Variants in FAM8A1 observed in about 807,000 individuals in gnomAD.
FAM8A1 encodes protein FAM8A1.
A neutral mutation model predicts 38.3 loss-of-function variants in FAM8A1; 18 were observed. The observed-to-expected ratio is 0.47, with a 90% CI of 0.33 to 0.70. The LOEUF is 0.70. FAM8A1 is among the 30% of genes least tolerant of loss of function. The pLI is 0.03. For missense variants in FAM8A1, 559 were observed against 559.6 expected, an observed-to-expected ratio of 1.00 and a Z score of 0.01; for synonymous variants, 246 against 234.4, an observed-to-expected ratio of 1.05 and a Z score of -0.45.
chr6:17,608,103 T>A (rs1038709467), intron 4 of FAM8A1, 92 bp from the exon 5 acceptor site: 164 of 1,354,598 alleles, frequency 1.2e-4, no homozygotes, highest in Middle Eastern at 5.6e-4. Flanking sequence ...ACAATTGTGT[T>A]TTAAATGTCT....
Position 17,602,680 on chromosome 6 carries a change from T to G in FAM8A1, c.803T>G (p.Val268Gly). 6.2e-7 allele frequency: 1 copy of G among 1,613,150 alleles called. No homozygotes were observed. Among genetic ancestry groups the G allele is most frequent in the Non-Finnish European group, 8.5e-7 (1 of 1,179,794 alleles). Residue 268 changes from valine (V) to glycine (G), a missense_variant, in exon 2 of 5, where the codon GTC becomes GGC. This residue lies in a region of FAM8A1 where 166 missense variants were observed against 220.8 expected (regional missense o/e 0.75). Coordinates refer to ENST00000259963, the MANE Select transcript of FAM8A1 (RefSeq NM_016255.3). The part of the protein sequence containing the change: ...FILFFIKATI[V>G]LSIMHLSGIK... ...CTCTTCTTTATAAAAGCAACCATTGTCTTAAGCATTATGCACCTCAGTGGG... is the reference window on the plus strand; with the variant it reads ...CTCTTCTTTATAAAAGCAACCATTGGCTTAAGCATTATGCACCTCAGTGGG...
At chr6:17,604,231 C>T (rs1489358637) in intron 2 of FAM8A1, among the ~76,000 whole-genome samples, 1 of 152,054 alleles carries the variant, frequency 6.6e-6, no homozygotes, top group Non-Finnish European at 1.5e-5. Flanking sequence ...TTTCTCTTTA[C>T]CAGCAGGATA....
chr6:17,609,967 T>G lies in FAM8A1; in HGVS notation c.*1628T>G, dbSNP rs1016548959. 6.6e-5 allele frequency: 10 copies of G among 152,194 alleles called. No individual in the cohort carries two copies. The highest frequency in any genetic ancestry group is 3.3e-4 in the Admixed American group (5 of 15,276). The allele number at this position is 152,194 out of a possible 1,614,324, so 9.4% of individuals were successfully genotyped here. On this transcript the variant is annotated 3_prime_UTR_variant, in exon 5 of 5. Transcript: ENST00000259963. Reference sequence around the variant, plus strand: ...ATAAACCGTGTTTTTCAAAATAAGTTTATGTCAAATCCAGCTTCCCAGAAA... The same window carrying G: ...ATAAACCGTGTTTTTCAAAATAAGTGTATGTCAAATCCAGCTTCCCAGAAA...
rs888831229 is a variant in FAM8A1, at chr6:17,600,359, G to A, written c.-51G>A. On this transcript the variant is annotated 5_prime_UTR_variant, in exon 1 of 5. Transcript: ENST00000259963. ...GGCTGTTGGGGAGGGGCCATTGGGG[G>A]AGGGAAACGGAGCAGTGACAGGTAT... The A allele has an allele frequency of 7.5e-7, 1 of 1,337,666 alleles. No individual in the cohort carries two copies. 82.9% of individuals were successfully genotyped at this position (1,337,666 alleles called of 1,614,324 possible). A position where few individuals can be genotyped will look rare whatever the true frequency, so the allele number is the denominator to read the frequency against.
chr6:17,604,781 G>T, intron 2 of FAM8A1, 125 bp from the exon 3 acceptor site: 2 of 720,326 alleles, frequency 2.8e-6, no homozygotes, highest in Non-Finnish European at 4.4e-6. Context: ...ATACTAGATG[G>T]TTGGGAATCT....
At position 17,600,836 on chromosome 6, in the gene FAM8A1, A is replaced by T. The variant is rs1763973264; in HGVS notation, c.427A>T (p.Ser143Cys). Residue 143 changes from serine (S) to cysteine (C), a missense_variant, in exon 1 of 5, where the codon AGC becomes TGC. Coordinates refer to ENST00000259963, the MANE Select transcript of FAM8A1 (RefSeq NM_016255.3). ...SGLAAFPAYC[S>C]PQPSPQSFPS... ...CCTGGCCGCCTTCCCAGCCTACTGC[A>T]GCCCCCAGCCCTCCCCGCAGAGCTT... The T allele has an allele frequency of 6.2e-7, 1 of 1,610,052 alleles. No individual in the cohort carries two copies. The highest frequency in any genetic ancestry group is 1.1e-5 in the South Asian group (1 of 91,064).
chr6:17,603,928 G>T (rs78770416), intron 2 of FAM8A1, among the ~76,000 whole-genome samples: 3 of 151,602 alleles, frequency 2.0e-5, no homozygotes, highest in Non-Finnish European at 2.9e-5. Context: ...GATTACTGTC[G>T]TCTCTTGCTT....
At chr6:17,607,479 C>CTATAGGTAGTATCTATATAG (rs1764071120) in intron 4 of FAM8A1, among the ~76,000 whole-genome samples, 1 of 111,462 alleles carries the variant, frequency 9.0e-6, no homozygotes, top group Non-Finnish European at 2.0e-5. Context: ...TATCTATATA[C>CTATAGGTAGTATCTATATAG]TATAGGTAGT....
chr6:17,607,000 C>A (rs1289055715), intron 4 of FAM8A1, among the ~76,000 whole-genome samples: 1 of 152,052 alleles, frequency 6.6e-6, no homozygotes, highest in South Asian at 2.1e-4. Flanking sequence ...GTGGCTCACG[C>A]CTGTAATCCC....
intron 1 of FAM8A1, 67 bp from the exon 2 acceptor site, chr6:17,602,523 G>A: frequency 7.0e-7 from 1 of 1,437,996 alleles, no homozygotes; most frequent in Non-Finnish European, 9.2e-7. Context: ...TCATTACATG[G>A]CTTGTGTTCC....
intron 4 of FAM8A1, 66 bp downstream of exon 4, chr6:17,606,079 G>T (rs1764049927): frequency 1.6e-6 from 2 of 1,273,250 alleles, no homozygotes; most frequent in Non-Finnish European, 1.0e-6. Context: ...AGAATATTGG[G>T]GTTTTTTTCT....
At position 17,610,991 on chromosome 6, in the gene FAM8A1, C is replaced by CT. The variant is rs1749497645; in HGVS notation, c.*2653dup. The stretch of plus-strand genomic sequence containing the variant: ...GGGTAAGCCTTACCTTTAGACTACT[C>CT]TGTGACTACAGAAATAAAGCCAGCA... On this transcript the variant is annotated 3_prime_UTR_variant, in exon 5 of 5. Coordinates refer to ENST00000259963, the MANE Select transcript of FAM8A1 (RefSeq NM_016255.3). The CT allele has an allele frequency of 1.3e-5, 2 of 152,258 alleles. 1 individual carries two copies. Among genetic ancestry groups the CT allele is most frequent in the South Asian group, 4.2e-4 (2 of 4,814 alleles). 9.4% of individuals were successfully genotyped at this position (152,258 alleles called of 1,614,324 possible). A position where few individuals can be genotyped will look rare whatever the true frequency, so the allele number is the denominator to read the frequency against.
Position 17,600,448 on chromosome 6 carries a change from C to A in FAM8A1, c.39C>A (p.Pro13=). Residue 13 remains proline, a synonymous_variant, in exon 1 of 5, where the codon CCC becomes CCA. Coordinates refer to ENST00000259963, the MANE Select transcript of FAM8A1 (RefSeq NM_016255.3). The stretch of plus-strand genomic sequence containing the variant: ...CCGAGGAAGCCCGAGGCCACCCTCC[C>A]GGGCAGGACGATGGCGGAGGGGACC... The part of the protein sequence containing the change: ...EGPEEARGHP[P]GQDDGGGDHE... The A allele has an allele frequency of 6.8e-7, 1 of 1,472,604 alleles. No individual in the cohort carries two copies. The highest frequency in any genetic ancestry group is 1.5e-5 in the African/African-American group (1 of 67,620). The allele number at this position is 1,472,604 out of a possible 1,614,324, so 91.2% of individuals were successfully genotyped here.
Position 17,600,651 on chromosome 6 carries a change from C to A in FAM8A1, c.242C>A (p.Ser81Tyr). 1 of 1,554,808 alleles carries A rather than the reference C, an allele frequency of 6.4e-7. No homozygotes were observed. Among genetic ancestry groups the A allele is most frequent in the Non-Finnish European group, 8.6e-7 (1 of 1,156,374 alleles). ...RELRKRGEAA[S>Y]GSGAELQEQA... ...CTCAGGAAGCGCGGGGAGGCGGCCT[C>A]CGGCTCCGGTGCAGAGCTGCAGGAG... Residue 81 changes from serine (S) to tyrosine (Y), a missense_variant, in exon 1 of 5, where the codon TCC becomes TAC. Around this residue, in one of 2 missense-constraint regions of FAM8A1, gnomAD observed 393 missense variants for 338.9 expected, o/e 1.16. Coordinates refer to ENST00000259963, the MANE Select transcript of FAM8A1 (RefSeq NM_016255.3).
rs774162854 is a variant in FAM8A1 at position 17,608,204 on chromosome 6, C to G, written c.1107C>G (p.Ile369Met). 1.2e-6 allele frequency: 2 copies of G among 1,603,598 alleles called. No individual in the cohort carries two copies. The highest frequency in any genetic ancestry group is 1.7e-5 in the Admixed American group (1 of 58,616). Residue 369 changes from isoleucine to methionine, a missense_variant, in exon 5 of 5, where the codon ATC becomes ATG. Ile to Met is a conservative substitution (Grantham distance 10). Coordinates refer to ENST00000259963, the MANE Select transcript of FAM8A1 (RefSeq NM_016255.3). ...TGTTTTAACTTTTTAGGTCCACTAT[C>G]CGAGCTTTGATCAAGAATTTTTCAA... ...SSNVSITTST[I>M]RALIKNFSIA...
chr6:17,608,219 G>T lies in FAM8A1; in HGVS notation c.1122G>T (p.Lys374Asn), dbSNP rs1176300989. ...GGTCCACTATCCGAGCTTTGATCAA[G>T]AATTTTTCAATTGCTTCTTTTTTCC... is the stretch of plus-strand genomic sequence containing the variant. Reference protein sequence around the residue: ...ITTSTIRALIKNFSIASFFPA... With the variant: ...ITTSTIRALINNFSIASFFPA... The change falls in exon 5 of 5, where the codon AAG (lysine) becomes AAT (asparagine). Residue 374 changes from lysine to asparagine, a missense_variant. Around this residue, in one of 2 missense-constraint regions of FAM8A1, gnomAD observed 166 missense variants for 220.8 expected, o/e 0.75. Coordinates refer to ENST00000259963, the MANE Select transcript of FAM8A1 (RefSeq NM_016255.3). 1 of 1,613,712 alleles carries T rather than the reference G, an allele frequency of 6.2e-7. No homozygotes were observed. The highest frequency in any genetic ancestry group is 1.7e-5 in the Admixed American group (1 of 59,984).
rs2113746550 is a variant in FAM8A1, at chr6:17,605,856, T to G, written c.958-18T>G. The G allele has an allele frequency of 6.7e-7, 1 of 1,481,958 alleles. No individual in the cohort carries two copies. Among genetic ancestry groups the G allele is most frequent in the East Asian group, 2.4e-5 (1 of 41,354 alleles). The allele number at this position is 1,481,958 out of a possible 1,614,324, so 91.8% of individuals were successfully genotyped here. On this transcript the variant is annotated intron_variant, in intron 3 of 4. Transcript: ENST00000259963. Reference sequence around the variant, plus strand: ...TATAGTTGAGCCAGTAATTTTTAAATCATCCTTCTTTCCTTAGATAATTTG... The same window carrying G: ...TATAGTTGAGCCAGTAATTTTTAAAGCATCCTTCTTTCCTTAGATAATTTG...
At position 17,600,979 on chromosome 6, in the gene FAM8A1, T is replaced by G. The variant is rs1490444632; in HGVS notation, c.570T>G (p.Ala190=). The change falls in exon 1 of 5, where the codon GCT becomes GCG. Residue 190 remains alanine, a synonymous_variant. Transcript: ENST00000259963. ...PGAAGPDPRT[A]AGISTPAPVA... is the part of the protein sequence containing the mutation. ...CCGCGGGGCCTGACCCGCGGACAGC[T>G]GCCGGCATCAGCACCCCTGCTCCAG... 8 of 1,594,532 alleles carry G rather than the reference T, an allele frequency of 5.0e-6. No homozygotes were observed. The highest frequency in any genetic ancestry group is 6.8e-6 in the Non-Finnish European group (8 of 1,172,344).
At chr6:17,601,911 C>G (rs896765569) in intron 1 of FAM8A1, among the ~76,000 whole-genome samples, 4 of 152,026 alleles carry the variant, frequency 2.6e-5, no homozygotes, top group African/African-American at 9.7e-5. Context: ...TTGATTTGTA[C>G]TAAAAAATGT....
Sources: allele counts gnomAD v4.1 joint callset (sites outside exome capture counted in the v4.1 genomes callset), GRCh38; gene constraint gnomAD v4.1.1; regional missense constraint gnomAD v4.1.1; transcripts MANE v1.5; gene names NCBI Gene and HGNC (gene_info 2026-07-23, HGNC 2026-07-21).